The following ARIH1 variants were observed in gnomAD, a reference collection of about 807,000 sequenced individuals.
ARIH1 encodes the protein ariadne RBR E3 ubiquitin protein ligase 1.
ARIH1 carries 8 observed loss-of-function variants against 85.0 expected under a neutral mutation model. The ratio of observed to expected loss-of-function variants is 0.09; its 90% confidence interval spans 0.06 to 0.17. The LOEUF (loss-of-function observed/expected upper bound fraction) is 0.17, where lower values mean the gene tolerates loss of function less well. Ranked by LOEUF, ARIH1 falls within the 10% of genes least tolerant of loss-of-function variation. The pLI is 1.00. For missense variants in ARIH1, 311 were observed against 718.1 expected (o/e 0.43, Z 6.48); for synonymous variants, 238 against 253.6 (o/e 0.94, Z 0.59).
intron 1 of ARIH1, chr15:72,475,268 A>G (rs2063789987): frequency 1.4e-6 from 1 of 723,090 alleles, no homozygotes; most frequent in African/African-American, 1.9e-5. Flanking sequence ...TCGGTCGCCT[A>G]AGCCTTCTCT....
intron 1 of ARIH1, among the ~76,000 whole-genome samples, chr15:72,507,052 G>A (rs989330841): frequency 1.3e-5 from 2 of 151,868 alleles, no homozygotes; most frequent in African/African-American, 2.4e-5. Flanking sequence ...AAACGCAGTC[G>A]TGCCCTGTCG....
rs386383464 is a variant in ARIH1, at chr15:72,517,429, A to AT, written c.376-625dup. On this transcript the variant is annotated intron_variant, in intron 1 of 13. Coordinates refer to ENST00000379887, the MANE Select transcript of ARIH1 (RefSeq NM_005744.5). ...TGGAAATTTTCCTTTTTTAAAACAA[A>AT]TTTTTTTTTTTTTGAGTCAGAGTCT... Among the ~76,000 whole-genome samples, 1,335 of 146,448 alleles carry AT rather than the reference A, an allele frequency of 9.1e-3. 10 individuals are homozygous for AT. Among genetic ancestry groups the AT allele is most frequent in the African/African-American group, 0.029 (1,173 of 40,138 alleles).
At chr15:72,506,837 TTTTTTTTTG>T (rs2063927876) in intron 1 of ARIH1, among the ~76,000 whole-genome samples, 1 of 150,168 alleles carries the variant, frequency 6.7e-6, no homozygotes, top group Non-Finnish European at 1.5e-5. Flanking sequence ...AAAAAAGTGG[TTTTTTTTTG>T]TTTTTTTTGT....
At chr15:72,512,319 A>G (rs1008026142) in intron 1 of ARIH1, among the ~76,000 whole-genome samples, 7 of 152,092 alleles carry the variant, frequency 4.6e-5, no homozygotes, top group African/African-American at 1.4e-4. Context: ...CAGTTTGCTT[A>G]ATAGATATAG....
chr15:72,497,960 A>G (rs917632876), intron 1 of ARIH1, among the ~76,000 whole-genome samples: 1 of 152,238 alleles, frequency 6.6e-6, no homozygotes, highest in African/African-American at 2.4e-5. Flanking sequence ...GTGAAGCTTC[A>G]TAATATACCA....
Position 72,598,807 on chromosome 15 carries a change from T to A in ARIH1, c.*15515T>A, listed in dbSNP as rs970182524. ...ATCATAGCTCACTGCTGGCTTGACC[T>A]TCTGGGCTCAAGTGATCCTCTTGCC... is the stretch of plus-strand genomic sequence containing the variant. On this transcript the variant is annotated 3_prime_UTR_variant, in exon 14 of 14. Transcript: ENST00000379887. 4 of 151,924 alleles carry A rather than the reference T, an allele frequency of 2.6e-5. No homozygotes were observed. The highest frequency in any genetic ancestry group is 5.9e-5 in the Non-Finnish European group (4 of 68,016). 9.4% of individuals were successfully genotyped at this position (151,924 alleles called of 1,614,324 possible). A position where few individuals can be genotyped will look rare whatever the true frequency, so the allele number is the denominator to read the frequency against.
Position 72,474,526 on chromosome 15 carries a change from G to A in ARIH1, c.-114G>A, listed in dbSNP as rs2063784939. ...GGGAGGAGCCGCGGCTCGCGGGGCC[G>A]GAGCCAGGCCTGCGTCCGGACATCA... On this transcript the variant is annotated 5_prime_UTR_variant, in exon 1 of 14. Transcript: ENST00000379887. 2.3e-6 allele frequency: 3 copies of A among 1,323,484 alleles called. No homozygotes were observed. The highest frequency in any genetic ancestry group is 6.5e-5 in the Admixed American group (2 of 30,674). The allele number at this position is 1,323,484 out of a possible 1,614,324, so 82.0% of individuals were successfully genotyped here.
At position 72,587,647 on chromosome 15, in the gene ARIH1, A is replaced by G. The variant is rs556299555; in HGVS notation, c.*4355A>G. 6.5e-6 allele frequency: 1 copy of G among 154,380 alleles called. No individual in the cohort carries two copies. The highest frequency in any genetic ancestry group is 1.9e-4 in the East Asian group (1 of 5,224). 9.6% of individuals were successfully genotyped at this position (154,380 alleles called of 1,614,324 possible). On this transcript the variant is annotated 3_prime_UTR_variant, in exon 14 of 14. Coordinates refer to ENST00000379887, the MANE Select transcript of ARIH1 (RefSeq NM_005744.5). ...TATGAGAAAATTTTGGCTCCTTCAGAAACAGGAAGATAAGTGGGCCCCTCA... is the reference window on the plus strand; with the variant it reads ...TATGAGAAAATTTTGGCTCCTTCAGGAACAGGAAGATAAGTGGGCCCCTCA...
chr15:72,569,603 T>G (rs1394708208), intron 9 of ARIH1, among the ~76,000 whole-genome samples: 1 of 152,188 alleles, frequency 6.6e-6, no homozygotes, highest in Non-Finnish European at 1.5e-5. Context: ...GAAATAGGAA[T>G]AGCACCACTA....
In ARIH1 at chr15:72,598,679, A is replaced by G. The variant is rs1595879285; in HGVS notation, c.*15387A>G. 1 of 149,058 alleles carries G rather than the reference A, an allele frequency of 6.7e-6. No individual in the cohort carries two copies. The highest frequency in any genetic ancestry group is 1.5e-5 in the Non-Finnish European group (1 of 67,528). The allele number at this position is 149,058 out of a possible 1,614,324, so 9.2% of individuals were successfully genotyped here. A position where few individuals can be genotyped will look rare whatever the true frequency, so the allele number is the denominator to read the frequency against. ...CAGTGAGCCGAGATTGTGCCACTGC[A>G]CTCCAGCCTGGGTGACAGAGCAAGA... On this transcript the variant is annotated 3_prime_UTR_variant, in exon 14 of 14. Transcript: ENST00000379887.
intron 2 of ARIH1, among the ~76,000 whole-genome samples, chr15:72,540,283 T>C (rs1451003784): frequency 7.9e-6 from 1 of 126,900 alleles, no homozygotes; most frequent in Non-Finnish European, 1.7e-5. Context: ...AAAAAAAAAA[T>C]TAGTGAAAAA....
In ARIH1 at chr15:72,580,801, G is replaced by A; in HGVS notation, c.1286G>A (p.Arg429His). ...TATATGAACCACATGCAGAGCCTGC[G>A]CTTTGAGCACAAACTATATGCTCAG... is the stretch of plus-strand genomic sequence containing the variant. ...NRYMNHMQSL[R>H]FEHKLYAQVK... Residue 429 changes from arginine (R) to histidine (H), a missense_variant, in exon 12 of 14, where the codon CGC becomes CAC. Transcript: ENST00000379887. 1 of 1,614,136 alleles carries A rather than the reference G, an allele frequency of 6.2e-7. No homozygotes were observed. The highest frequency in any genetic ancestry group is 8.5e-7 in the Non-Finnish European group (1 of 1,179,982).
intron 2 of ARIH1, among the ~76,000 whole-genome samples, chr15:72,543,487 G>A (rs1170787710): frequency 6.6e-6 from 1 of 152,080 alleles, no homozygotes; most frequent in African/African-American, 2.4e-5. Context: ...TTTTTATAAT[G>A]TGTTGGCATT....
chr15:72,495,576 T>C (rs1018751985), intron 1 of ARIH1, among the ~76,000 whole-genome samples: 2 of 152,170 alleles, frequency 1.3e-5, no homozygotes, highest in African/African-American at 4.8e-5. Flanking sequence ...AATGGTTAGA[T>C]CTCCTATAAA....
chr15:72,497,211 A>G (rs908225614), intron 1 of ARIH1, among the ~76,000 whole-genome samples: 1 of 152,184 alleles, frequency 6.6e-6, no homozygotes, highest in African/African-American at 2.4e-5. Flanking sequence ...AAAGGATCCT[A>G]TTTTGTAAAC....
In ARIH1 at chr15:72,594,376, G is replaced by T. The variant is rs1196882379; in HGVS notation, c.*11084G>T. The T allele has an allele frequency of 6.6e-6, 1 of 151,994 alleles. No individual in the cohort carries two copies. Among genetic ancestry groups the T allele is most frequent in the African/African-American group, 2.4e-5 (1 of 41,386 alleles). The allele number at this position is 151,994 out of a possible 1,614,324, so 9.4% of individuals were successfully genotyped here. A position where few individuals can be genotyped will look rare whatever the true frequency, so the allele number is the denominator to read the frequency against. On this transcript the variant is annotated 3_prime_UTR_variant, in exon 14 of 14. Transcript: ENST00000379887. ...GTACAGACGGGGTTTCACCATGTTG[G>T]TCAGCCTGGTCTCGAGCTCCTGACC...
At chr15:72,510,763 A>AAC (rs2063947179) in intron 1 of ARIH1, among the ~76,000 whole-genome samples, 4 of 146,802 alleles carry the variant, frequency 2.7e-5, no homozygotes, top group Non-Finnish European at 6.0e-5. Flanking sequence ...AAAAAAAAAA[A>AAC]AAAAAAAGAC....
At chr15:72,506,012 G>A (rs758124585) in intron 1 of ARIH1, among the ~76,000 whole-genome samples, 15 of 152,142 alleles carry the variant, frequency 9.9e-5, no homozygotes, top group African/African-American at 3.1e-4. Flanking sequence ...GGGATTACAG[G>A]TGTGAGCCAC....
intron 1 of ARIH1, chr15:72,496,916 A>C: frequency 1.1e-6 from 1 of 914,542 alleles, no homozygotes; most frequent in Non-Finnish European, 1.3e-6. Context: ...ACACATACTT[A>C]CACACAGACA....
Sources: allele counts gnomAD v4.1 joint callset (sites outside exome capture counted in the v4.1 genomes callset), GRCh38; gene constraint gnomAD v4.1.1; transcripts MANE v1.5; gene names NCBI Gene and HGNC (gene_info 2026-07-23, HGNC 2026-07-21).